The following ATP6V1B2 variants were observed in gnomAD, a reference collection of about 807,000 sequenced individuals.
ATP6V1B2 encodes V-type proton ATPase subunit B, brain isoform.
A neutral mutation model predicts 66.7 loss-of-function variants in ATP6V1B2; 23 were observed. The observed-to-expected ratio is 0.34, with a 90% confidence interval of 0.25 to 0.49. The LOEUF is 0.49. Among genes scored for constraint, ATP6V1B2 ranks in the 20% least tolerant of loss-of-function variants. The pLI, the probability that ATP6V1B2 is intolerant of heterozygous loss-of-function variation, is 0.99. For missense variants in ATP6V1B2, 478 were observed against 650.8 expected (o/e 0.73, Z 2.89); for synonymous variants, 278 against 236.7 (o/e 1.17, Z -1.60).
chr8:20,212,707 C>T, intron 8 of ATP6V1B2, 75 bp from the exon 9 acceptor site: 1 of 1,568,696 alleles, frequency 6.4e-7, no homozygotes, highest in Non-Finnish European at 8.6e-7. Flanking sequence ...ACTGTTATTT[C>T]CAGAATCATT....
chr8:20,209,008 C>CAA (rs2072765330), intron 2 of ATP6V1B2, among the ~76,000 whole-genome samples: 1 of 152,144 alleles, frequency 6.6e-6, no homozygotes, highest in Admixed American at 6.6e-5. Context: ...CGCGCCTAGC[C>CAA]TATTTAGTAA....
intron 1 of ATP6V1B2, among the ~76,000 whole-genome samples, chr8:20,203,202 A>G (rs1022686519): frequency 1.3e-5 from 2 of 152,202 alleles, no homozygotes; most frequent in African/African-American, 4.8e-5. Flanking sequence ...AAAAAAATAC[A>G]GTTCAGTTGG....
chr8:20,198,251 A>T (rs2072648860), intron 1 of ATP6V1B2, among the ~76,000 whole-genome samples: 1 of 152,210 alleles, frequency 6.6e-6, no homozygotes, highest in Non-Finnish European at 1.5e-5. Flanking sequence ...AGGGACTAAA[A>T]ATCCAGGTTC....
At chr8:20,199,994 T>TTGTG (rs34916825) in intron 1 of ATP6V1B2, among the ~76,000 whole-genome samples, 86 of 149,472 alleles carry the variant, frequency 5.8e-4, no homozygotes, top group African/African-American at 1.5e-3. Context: ...ATTATAGTTA[T>TTGTG]TGTGTGTGTG....
chr8:20,208,365 C>A (rs2072758758), intron 2 of ATP6V1B2, among the ~76,000 whole-genome samples: 1 of 152,132 alleles, frequency 6.6e-6, no homozygotes. Context: ...ACTAAGGTGC[C>A]CATATCTCCA....
chr8:20,206,586 A>G (rs115042024), intron 2 of ATP6V1B2, among the ~76,000 whole-genome samples: 3,355 of 152,280 alleles, frequency 0.022, 161 homozygotes, highest in African/African-American at 0.077. Flanking sequence ...AGCTGAAGAG[A>G]TGATCATAGA....
intron 1 of ATP6V1B2, among the ~76,000 whole-genome samples, chr8:20,202,401 A>T (rs1196397864): frequency 6.6e-6 from 1 of 152,218 alleles, no homozygotes; most frequent in Admixed American, 6.5e-5. Flanking sequence ...TCTGTCTGTT[A>T]TGGAGATTAA....
intron 2 of ATP6V1B2, among the ~76,000 whole-genome samples, chr8:20,206,935 C>T (rs181935235): frequency 2.0e-5 from 3 of 152,034 alleles, no homozygotes; most frequent in African/African-American, 4.8e-5. Context: ...GAAAAGGAAC[C>T]GCCATCATCA....
intron 2 of ATP6V1B2, among the ~76,000 whole-genome samples, chr8:20,205,419 G>A (rs1221238646): frequency 2.0e-5 from 3 of 152,248 alleles, no homozygotes; most frequent in Non-Finnish European, 4.4e-5. Context: ...TAGTATCAAT[G>A]TCTCATTGGT....
chr8:20,207,168 C>A (rs558319671), intron 2 of ATP6V1B2, among the ~76,000 whole-genome samples: 3 of 152,124 alleles, frequency 2.0e-5, no homozygotes, highest in Non-Finnish European at 4.4e-5. Flanking sequence ...AAGGAAAAGA[C>A]TCAATTCTCC....
At chr8:20,206,911 A>G (rs1038116777) in intron 2 of ATP6V1B2, among the ~76,000 whole-genome samples, 1 of 152,200 alleles carries the variant, frequency 6.6e-6, no homozygotes, top group African/African-American at 2.4e-5. Flanking sequence ...TTAGGGTACA[A>G]AGCGATTAGA....
intron 12 of ATP6V1B2, 136 bp downstream of exon 12, chr8:20,217,460 C>G (rs913033085): frequency 5.6e-6 from 4 of 713,906 alleles, no homozygotes; most frequent in African/African-American, 1.8e-5. Context: ...ATGTGGAATA[C>G]ATAATCATTC....
chr8:20,220,380 C>T lies in ATP6V1B2; in HGVS notation c.1514C>T (p.Pro505Leu). The T allele has an allele frequency of 6.3e-7, 1 of 1,583,580 alleles. No individual in the cohort carries two copies. Among genetic ancestry groups the T allele is most frequent in the East Asian group, 2.3e-5 (1 of 43,166 alleles). ...IPQSTLSEFY[P>L]RDSAKH ...CAGAGCACCCTCAGCGAATTTTACC[C>T]TCGAGACTCTGCAAAGCATTAGCTG... Residue 505 changes from proline (P) to leucine (L), a missense_variant, in exon 14 of 14, where the codon CCT (proline) becomes CTT (leucine). Transcript: ENST00000276390.
At chr8:20,198,984 C>G (rs764620651) in intron 1 of ATP6V1B2, among the ~76,000 whole-genome samples, 9 of 152,142 alleles carry the variant, frequency 5.9e-5, no homozygotes, top group Non-Finnish European at 7.4e-5. Context: ...TATGCATTGC[C>G]TTTCTTTGGG....
At chr8:20,216,312 G>A (rs1322406785) in intron 10 of ATP6V1B2, 101 bp from the exon 11 acceptor site, 6 of 933,632 alleles carry the variant, frequency 6.4e-6, no homozygotes, top group Non-Finnish European at 1.7e-6. Context: ...GTTACAGGTA[G>A]TACAGAGGGA....
At position 20,200,984 on chromosome 8, in the gene ATP6V1B2, T is replaced by C. The variant is rs115759259; in HGVS notation, c.136+3442T>C. ...TGAGTATTTCGTAATCATTAAATGG[T>C]GTTACTAGTGTTGAGCAATATCCTA... On this transcript the variant is annotated intron_variant, in intron 1 of 13. Transcript: ENST00000276390. 1.8e-3 allele frequency among the ~76,000 whole-genome samples: 281 copies of C among 152,296 alleles called. 1 individual carries two copies. Among genetic ancestry groups the C allele is most frequent in the African/African-American group, 6.5e-3 (270 of 41,562 alleles).
chr8:20,210,323 T>C, intron 3 of ATP6V1B2, 23 bp from the exon 4 acceptor site: 3 of 1,583,598 alleles, frequency 1.9e-6, no homozygotes, highest in Non-Finnish European at 2.6e-6. Flanking sequence ...TCTACCCTTC[T>C]CATTAATTCT....
At position 20,221,100 on chromosome 8, in the gene ATP6V1B2, G is replaced by C. The variant is rs1407796227; in HGVS notation, c.*698G>C. On this transcript the variant is annotated 3_prime_UTR_variant, in exon 14 of 14. Coordinates refer to ENST00000276390, the MANE Select transcript of ATP6V1B2 (RefSeq NM_001693.4). ...TGGTAGCAGTGAGACCCCTTGTCTT[G>C]GTGATCCTTACTGGGTTTCCAAGCA... is the stretch of plus-strand genomic sequence containing the variant. The C allele has an allele frequency of 6.6e-6, 1 of 152,070 alleles. No homozygotes were observed. The highest frequency in any genetic ancestry group is 2.4e-5 in the African/African-American group (1 of 41,410). The allele number at this position is 152,070 out of a possible 1,614,324, so 9.4% of individuals were successfully genotyped here. A position where few individuals can be genotyped will look rare whatever the true frequency, so the allele number is the denominator to read the frequency against.
At chr8:20,203,947 T>C in intron 1 of ATP6V1B2, 1 of 454,868 alleles carries the variant, frequency 2.2e-6, no homozygotes, top group Non-Finnish European at 4.4e-6. Flanking sequence ...ATTGTGGCTT[T>C]TTACCTTGCA....
Sources: gnomAD v4.1 joint callset for allele counts (sites outside exome capture counted in the v4.1 genomes callset) on GRCh38, gnomAD v4.1.1 for gene constraint, MANE v1.5 for transcripts, NCBI Gene and HGNC (gene_info 2026-07-23, HGNC 2026-07-21) for gene names.